Variants in CNOT10 observed in about 807,000 individuals in gnomAD.
CNOT10 encodes CCR4-NOT transcription complex subunit 10.
CNOT10 carries 30 observed loss-of-function variants against 94.6 expected under a neutral mutation model. The ratio of observed to expected loss-of-function variants is 0.32; its 90% CI spans 0.24 to 0.43. The LOEUF is 0.43. Among genes scored for constraint, CNOT10 ranks in the 20% least tolerant of loss-of-function variants. The probability of loss-of-function intolerance (pLI) is 1.00; values close to 1 mark genes in which losing one functional copy is unlikely to be tolerated. For synonymous variants in CNOT10, 289 were observed against 301.6 expected, an observed-to-expected ratio of 0.96 and a Z score of 0.43; for missense variants, 759 against 877.2, an observed-to-expected ratio of 0.87 and a Z score of 1.70.
At position 32,724,555 on chromosome 3, in the gene CNOT10, C is replaced by T. The variant is rs948774873; in HGVS notation, c.863-895C>T. Among the ~76,000 whole-genome samples the T allele has an allele frequency of 5.3e-5, 8 of 150,672 alleles. No homozygotes were observed. The East Asian group carries it at 9.8e-4, about 18-fold the overall frequency. ...AGCCTCCCGAGTAGCTGGGACTACA[C>T]GCGCCCGCCACCACGCCCGGCTAAT... On this transcript the variant is annotated intron_variant, in intron 8 of 18. Transcript: ENST00000328834.
rs530115825 is a variant in CNOT10, at chr3:32,771,367, G to A, written c.2080+1405G>A. 2.0e-5 allele frequency among the ~76,000 whole-genome samples: 3 copies of A among 152,226 alleles called. No homozygotes were observed. The South Asian group carries it at 6.2e-4, about 32-fold the overall frequency. ...TATAATCCCAGCACTTTGGGAGGCC[G>A]ACACGGGTGGATCATTTGAGGTCAG... On this transcript the variant is annotated intron_variant, in intron 18 of 18. Transcript: ENST00000328834.
At chr3:32,763,490 A>G (rs1293253613) in intron 15 of CNOT10, among the ~76,000 whole-genome samples, 1 of 151,936 alleles carries the variant, frequency 6.6e-6, no homozygotes, top group East Asian at 1.9e-4. Flanking sequence ...GTCTCTACCA[A>G]AAATACAAAA....
At chr3:32,721,060 C>CTTTT (rs377750318) in intron 8 of CNOT10, among the ~76,000 whole-genome samples, 13 of 97,688 alleles carry the variant, frequency 1.3e-4, no homozygotes, top group South Asian at 8.1e-4. Flanking sequence ...TCTTTCCTTT[C>CTTTT]TTTTTTTTTT....
chr3:32,695,807 A>AT, intron 1 of CNOT10: 1 of 1,535,892 alleles, frequency 6.5e-7, no homozygotes, highest in South Asian at 1.2e-5. Flanking sequence ...ATGCTGTGGG[A>AT]TTATGTGCAG....
intron 1 of CNOT10, among the ~76,000 whole-genome samples, chr3:32,698,381 C>T (rs1697175458): frequency 6.6e-6 from 1 of 152,060 alleles, no homozygotes; most frequent in African/African-American, 2.4e-5. Context: ...ACAAGTTATA[C>T]AGTATTACGT....
chr3:32,714,675 C>T (rs977209939), intron 5 of CNOT10, among the ~76,000 whole-genome samples: 1 of 152,292 alleles, frequency 6.6e-6, no homozygotes, highest in Admixed American at 6.5e-5. Context: ...CGCCACTGCA[C>T]TCCAGCCTGG....
chr3:32,769,812 T>C (rs924008991), intron 17 of CNOT10, 75 bp from the exon 18 acceptor site: 1 of 1,138,774 alleles, frequency 8.8e-7, no homozygotes, highest in Non-Finnish European at 1.3e-6. Context: ...GTTACCTTGT[T>C]GGTTGGCAGA....
chr3:32,707,218 G>A (rs1277788153), intron 3 of CNOT10, among the ~76,000 whole-genome samples: 1 of 151,866 alleles, frequency 6.6e-6, no homozygotes, highest in East Asian at 1.9e-4. Flanking sequence ...AAATTTAAAA[G>A]CCCATTGCTA....
intron 1 of CNOT10, among the ~76,000 whole-genome samples, chr3:32,694,362 T>C (rs1324428899): frequency 2.0e-5 from 3 of 152,176 alleles, no homozygotes; most frequent in African/African-American, 4.8e-5. Context: ...TAGAATAAGT[T>C]GTCTAAGTTC....
At chr3:32,744,484 TTAAGG>T (rs1367193627) in intron 13 of CNOT10, among the ~76,000 whole-genome samples, 1 of 152,128 alleles carries the variant, frequency 6.6e-6, no homozygotes, top group Non-Finnish European at 1.5e-5. Flanking sequence ...TGTACATAAA[TTAAGG>T]TAAGTCCAAA....
intron 5 of CNOT10, among the ~76,000 whole-genome samples, chr3:32,714,365 T>C (rs1318631241): frequency 6.6e-6 from 1 of 150,968 alleles, no homozygotes; most frequent in Non-Finnish European, 1.5e-5. Context: ...GGATAAACAC[T>C]ATTGCTTTCA....
At chr3:32,710,207 A>G (rs1465271329) in intron 4 of CNOT10, among the ~76,000 whole-genome samples, 1 of 150,664 alleles carries the variant, frequency 6.6e-6, no homozygotes, top group Non-Finnish European at 1.5e-5. Context: ...GTTAATCTGC[A>G]CTATGGCTGA....
At chr3:32,713,406 T>C in intron 5 of CNOT10, 37 bp downstream of exon 5, 1 of 1,493,900 alleles carries the variant, frequency 6.7e-7, no homozygotes, top group South Asian at 1.3e-5. Context: ...AAATCTAAAA[T>C]GTGATTAATT....
rs571486801 is a variant in CNOT10, at chr3:32,736,900, A to G, written c.1515-510A>G. Among the ~76,000 whole-genome samples the G allele has an allele frequency of 1.7e-4, 26 of 151,532 alleles. 1 individual carries two copies. Among genetic ancestry groups the G allele is most frequent in the Admixed American group, 1.7e-3 (26 of 15,202 alleles). ...TCAGTTAGAGATTTTTTAAAGCAGT[A>G]TTGGAGGGGTGGGGGCAGTGGGGGA... is the stretch of plus-strand genomic sequence containing the variant. On this transcript the variant is annotated intron_variant, in intron 12 of 18. Coordinates refer to ENST00000328834, the MANE Select transcript of CNOT10 (RefSeq NM_015442.3).
At chr3:32,689,353 C>CA (rs199702747) in intron 1 of CNOT10, among the ~76,000 whole-genome samples, 1,280 of 76,014 alleles carry the variant, frequency 0.017, 22 homozygotes, top group Admixed American at 0.078. Context: ...AACACCATCT[C>CA]AAAAAAAAAA....
intron 13 of CNOT10, among the ~76,000 whole-genome samples, chr3:32,747,541 T>C (rs1699752846): frequency 6.6e-6 from 1 of 152,184 alleles, no homozygotes; most frequent in Non-Finnish European, 1.5e-5. Context: ...CAATTATATT[T>C]CTTCCTTTTT....
chr3:32,706,492 A>G (rs1443699249), intron 3 of CNOT10, among the ~76,000 whole-genome samples: 4 of 152,166 alleles, frequency 2.6e-5, no homozygotes, highest in African/African-American at 9.7e-5. Flanking sequence ...TTTAAATCAT[A>G]CTTCTGTTCG....
intron 12 of CNOT10, 27 bp downstream of exon 12, chr3:32,735,003 G>T: frequency 1.9e-6 from 3 of 1,579,436 alleles, no homozygotes; most frequent in South Asian, 2.3e-5. Context: ...GACCTCCTTT[G>T]GCAAAATCCT....
intron 13 of CNOT10, among the ~76,000 whole-genome samples, chr3:32,738,515 T>C (rs1022935336): frequency 6.6e-6 from 1 of 151,130 alleles, no homozygotes. Flanking sequence ...CAGGCTGGAG[T>C]GCAGTGGCGC....
Sources: allele counts gnomAD v4.1 joint callset (sites outside exome capture counted in the v4.1 genomes callset), GRCh38; gene constraint gnomAD v4.1.1; transcripts MANE v1.5; gene names NCBI Gene and HGNC (gene_info 2026-07-23, HGNC 2026-07-21).